MCF2L: variants seen among roughly 807,000 people sequenced by gnomAD.
MCF2L encodes MCF.2 cell line derived transforming sequence like.
Under a neutral mutation model 153.4 loss-of-function variants are expected in MCF2L, and 97 were observed. That is an observed-to-expected ratio of 0.63 (90% confidence interval 0.54 to 0.75). The LOEUF (loss-of-function observed/expected upper bound fraction) is 0.75, where lower values mean the gene tolerates loss of function less well. Among genes scored for constraint, MCF2L ranks in the 30% least tolerant of loss-of-function variants. The probability of loss-of-function intolerance (pLI) is 0.00; values close to 1 mark genes in which losing one functional copy is unlikely to be tolerated. For missense variants in MCF2L, 1,347 were observed against 1,495.2 expected, an observed-to-expected ratio of 0.90 and a Z score of 1.64; for synonymous variants, 659 against 632.2, an observed-to-expected ratio of 1.04 and a Z score of -0.64.
chr13:113,064,862 G>A lies in MCF2L; in HGVS notation c.607-74G>A, dbSNP rs924375402. 8.5e-6 allele frequency: 13 copies of A among 1,529,240 alleles called. 1 individual carries two copies. Among genetic ancestry groups the A allele is most frequent in the South Asian group, 1.3e-5 (1 of 79,742 alleles). 94.7% of individuals were successfully genotyped at this position (1,529,240 alleles called of 1,614,324 possible). On this transcript the variant is annotated intron_variant, in intron 6 of 29. Transcript: ENST00000535094. The surrounding 1 kb of genome is among the most constrained non-coding windows in gnomAD (Gnocchi z 6.0). The stretch of plus-strand genomic sequence containing the variant: ...GGTCTGTGTGGGAACGGTTTCCGCC[G>A]GTGTCTGCTTTCAGGGCAGCAGGAG...
At chr13:112,984,950 C>T (rs768547368) in intron 1 of MCF2L, among the ~76,000 whole-genome samples, 2 of 152,080 alleles carry the variant, frequency 1.3e-5, no homozygotes, top group African/African-American at 4.8e-5. Context: ...CAGTCACCCC[C>T]GACAGGACTC....
intron 1 of MCF2L, chr13:113,001,755 G>C: frequency 3.7e-6 from 5 of 1,361,710 alleles, no homozygotes; most frequent in Non-Finnish European, 4.7e-6. Flanking sequence ...CAGCCGGCTG[G>C]CTGCCCTGCA....
chr13:112,993,901 G>A lies in MCF2L; in HGVS notation c.80-20862G>A, dbSNP rs2082998210. On this transcript the variant is annotated intron_variant, in intron 1 of 29. Transcript: ENST00000535094. This position sits in a 1 kb window ranked among gnomAD's most constrained non-coding sequence, Gnocchi z 4.6. ...CTCCCTTAGATCGGAAGGCGAAGAAGGTGAGATCCACAGCTCGATTTCCCT... is the reference window on the plus strand; with the variant it reads ...CTCCCTTAGATCGGAAGGCGAAGAAAGTGAGATCCACAGCTCGATTTCCCT... Among the ~76,000 whole-genome samples, 1 of 151,596 alleles carries A rather than the reference G, an allele frequency of 6.6e-6. No homozygotes were observed. Among genetic ancestry groups the A allele is most frequent in the South Asian group, 2.1e-4 (1 of 4,778 alleles).
At chr13:112,996,212 CAG>C (rs1375064612) in intron 1 of MCF2L, among the ~76,000 whole-genome samples, 1 of 152,180 alleles carries the variant, frequency 6.6e-6, no homozygotes, top group East Asian at 1.9e-4. Flanking sequence ...CCTGTAACCC[CAG>C]GAGACTAAGG....
intron 26 of MCF2L, chr13:113,090,604 A>G: frequency 1.0e-6 from 1 of 985,442 alleles, no homozygotes; most frequent in South Asian, 4.7e-5. Context: ...GAGACGTCTA[A>G]TGCCCTGCTC....
chr13:113,070,188 GT>G lies in MCF2L; in HGVS notation c.996+16del. On this transcript the variant is annotated intron_variant, in intron 9 of 29. Transcript: ENST00000535094. This position sits in a 1 kb window ranked among gnomAD's most constrained non-coding sequence, Gnocchi z 5.6. ...GCTTCCGGGAGGTGAGTGGCCCTGGGTGGAGCCGGCAGCCGCCCTGATGCTC... is the reference window on the plus strand; with the variant it reads ...GCTTCCGGGAGGTGAGTGGCCCTGGGGGAGCCGGCAGCCGCCCTGATGCTC... The G allele has an allele frequency of 6.5e-7, 1 of 1,549,068 alleles. No individual in the cohort carries two copies. Among genetic ancestry groups the G allele is most frequent in the Non-Finnish European group, 8.7e-7 (1 of 1,147,454 alleles).
chr13:113,071,264 T>G (rs2032892150), intron 9 of MCF2L, among the ~76,000 whole-genome samples: 1 of 152,250 alleles, frequency 6.6e-6, no homozygotes, highest in Admixed American at 6.5e-5. Flanking sequence ...GTTTTACGGT[T>G]TTGTTACATT....
intron 12 of MCF2L, 37 bp downstream of exon 12, chr13:113,076,194 G>C (rs1417547373): frequency 9.3e-6 from 14 of 1,506,218 alleles, no homozygotes; most frequent in East Asian, 2.4e-5. Context: ...GCAGCTTGCT[G>C]TCCCGAGCAG....
At chr13:113,000,717 A>G (rs1453772836) in intron 1 of MCF2L, among the ~76,000 whole-genome samples, 1 of 152,236 alleles carries the variant, frequency 6.6e-6, no homozygotes, top group East Asian at 1.9e-4. Flanking sequence ...CGGTGTTCCC[A>G]GCGGGAGAAG....
chr13:112,894,398 G>T (rs1274289091), exon 1 of MCF2L: 3 of 151,028 alleles, frequency 2.0e-5, no homozygotes, highest in East Asian at 3.9e-4. Flanking sequence ...CGCGGAGCTC[G>T]GCGGACGCGG....
intron 7 of MCF2L, 141 bp downstream of exon 7, chr13:113,065,226 C>A: frequency 1.0e-6 from 1 of 1,001,308 alleles, no homozygotes; most frequent in Non-Finnish European, 1.5e-6. Context: ...AAGAAGTCAG[C>A]AGGCTTGAGA....
At position 112,907,433 on chromosome 13, in the gene MCF2L, T is replaced by C. The variant is rs1200095253; in HGVS notation, c.169+5062T>C. ...GAATCCTCGGTGTTTGTGGCATGGA[T>C]CGTAGTCATGGCTTGGTGGAGAATC... On this transcript the variant is annotated intron_variant, in intron 2 of 29. Transcript: ENST00000375608. The surrounding 1 kb of genome is among the most constrained non-coding windows in gnomAD (Gnocchi z 5.1). 6.6e-6 allele frequency among the ~76,000 whole-genome samples: 1 copy of C among 151,896 alleles called. No homozygotes were observed. Among genetic ancestry groups the C allele is most frequent in the Non-Finnish European group, 1.5e-5 (1 of 67,964 alleles).
intron 1 of MCF2L, among the ~76,000 whole-genome samples, chr13:112,986,812 C>T (rs1160091243): frequency 6.6e-6 from 1 of 152,258 alleles, no homozygotes; most frequent in Non-Finnish European, 1.5e-5. Context: ...GCCTCACAGA[C>T]CGTGGGGGCT....
At chr13:112,971,331 G>A (rs1460447811) in intron 1 of MCF2L, among the ~76,000 whole-genome samples, 1 of 152,218 alleles carries the variant, frequency 6.6e-6, no homozygotes, top group African/African-American at 2.4e-5. Context: ...TTCAGCGGGA[G>A]GTCATGGAGC....
At chr13:113,078,777 C>T (rs373084834) in intron 15 of MCF2L, 38 bp downstream of exon 15, 99 of 1,547,182 alleles carry the variant, frequency 6.4e-5, no homozygotes, top group Non-Finnish European at 8.3e-5. Flanking sequence ...AGGGGCCCTC[C>T]GACCGCAGCC....
Position 113,097,032 on chromosome 13 carries a change from C to T in MCF2L, c.*173C>T, listed in dbSNP as rs1329608314. 1.2e-5 allele frequency: 5 copies of T among 408,752 alleles called. No homozygotes were observed. Among genetic ancestry groups the T allele is most frequent in the African/African-American group, 1.1e-4 (5 of 47,518 alleles). The allele number at this position is 408,752 out of a possible 1,614,324, so 25.3% of individuals were successfully genotyped here. A position where few individuals can be genotyped will look rare whatever the true frequency, so the allele number is the denominator to read the frequency against. On this transcript the variant is annotated 3_prime_UTR_variant, in exon 30 of 30. Coordinates refer to ENST00000535094, the MANE Select transcript of MCF2L (RefSeq NM_001112732.3). Reference sequence around the variant, plus strand: ...CAGAGGCAGGTTCCACGGAAGACCCCGGCCCGCTGGGGCTTCCCCGGAGAC... The same window carrying T: ...CAGAGGCAGGTTCCACGGAAGACCCTGGCCCGCTGGGGCTTCCCCGGAGAC...
At chr13:113,030,300 CGCCGACGCCCGGTGTGG>C in intron 3 of MCF2L, among the ~76,000 whole-genome samples, 1 of 137,916 alleles carries the variant, frequency 7.3e-6, no homozygotes, top group East Asian at 2.3e-4. Flanking sequence ...CTCGGGTGTC[CGCCGACGCCCGGTGTGG>C]ACCCTCAGGT....
At position 113,027,421 on chromosome 13, in the gene MCF2L, C is replaced by T. The variant is rs1048675776; in HGVS notation, c.278+2663C>T. Among the ~76,000 whole-genome samples, 1 of 152,036 alleles carries T rather than the reference C, an allele frequency of 6.6e-6. No individual in the cohort carries two copies. Among genetic ancestry groups the T allele is most frequent in the Non-Finnish European group, 1.5e-5 (1 of 68,018 alleles). ...ACCGGTGGGCCTTTCGGGGGCAGGACGTCTTGGTGGGCAGAAAGAAGGGGG... is the reference window on the plus strand; with the variant it reads ...ACCGGTGGGCCTTTCGGGGGCAGGATGTCTTGGTGGGCAGAAAGAAGGGGG... On this transcript the variant is annotated intron_variant, in intron 3 of 29. Coordinates refer to ENST00000535094, the MANE Select transcript of MCF2L (RefSeq NM_001112732.3). The surrounding 1 kb of genome is among the most constrained non-coding windows in gnomAD (Gnocchi z 4.8).
At chr13:113,082,645 G>GCCT in intron 17 of MCF2L, 103 bp downstream of exon 17, 1 of 870,010 alleles carries the variant, frequency 1.1e-6, no homozygotes, top group Non-Finnish European at 1.9e-6. Context: ...GCCATGCCTG[G>GCCT]CTAGGGAGGG....
Sources: allele counts gnomAD v4.1 joint callset (sites outside exome capture counted in the v4.1 genomes callset), GRCh38; gene constraint gnomAD v4.1.1; non-coding constraint Gnocchi (gnomAD v3.1); transcripts MANE v1.5; gene names NCBI Gene and HGNC (gene_info 2026-07-23, HGNC 2026-07-21).